The following RBFOX1 variants were observed in gnomAD, a reference collection of about 807,000 sequenced individuals.
RBFOX1 encodes the protein RNA binding fox-1 homolog 1.
Under a neutral mutation model 57.7 loss-of-function variants are expected in RBFOX1, and 8 were observed. The ratio of observed to expected loss-of-function variants is 0.14; its 90% CI spans 0.08 to 0.25. The LOEUF (loss-of-function observed/expected upper bound fraction) is 0.25, where lower values mean the gene tolerates loss of function less well. RBFOX1 is among the 10% of genes least tolerant of loss of function. The pLI is 1.00. For synonymous variants in RBFOX1, 326 were observed against 222.4 expected (o/e 1.47, Z -4.15); for missense variants, 611 against 548.5 (o/e 1.11, Z -1.14).
At chr16:5,288,638 T>TG (rs1159068644) in intron 1 of RBFOX1, among the ~76,000 whole-genome samples, 2 of 146,906 alleles carry the variant, frequency 1.4e-5, no homozygotes. Context: ...TTTTCTTTTT[T>TG]TTTTTAACTA....
At chr16:7,131,908 C>G (rs1316160344) in intron 4 of RBFOX1, among the ~76,000 whole-genome samples, 1 of 151,746 alleles carries the variant, frequency 6.6e-6, no homozygotes, top group African/African-American at 2.4e-5. Context: ...TTCCCAGTAT[C>G]TTAAAGAAGT....
At chr16:7,313,869 T>C (rs779949425) in intron 4 of RBFOX1, among the ~76,000 whole-genome samples, 4 of 152,130 alleles carry the variant, frequency 2.6e-5, no homozygotes, top group Non-Finnish European at 5.9e-5. Flanking sequence ...TCCTCCTCAC[T>C]GTGCCGGCCA....
intron 4 of RBFOX1, among the ~76,000 whole-genome samples, chr16:7,081,047 T>G (rs1478144055): frequency 6.6e-6 from 1 of 152,166 alleles, no homozygotes; most frequent in Non-Finnish European, 1.5e-5. Flanking sequence ...TTATTTTACT[T>G]TTTTTGAGGC....
At chr16:6,394,061 T>C (rs1259317949) in intron 2 of RBFOX1, among the ~76,000 whole-genome samples, 3 of 152,230 alleles carry the variant, frequency 2.0e-5, no homozygotes, top group Non-Finnish European at 4.4e-5. Context: ...CATAGCATCC[T>C]GCAATGCAGA....
At chr16:6,054,719 G>C (rs974587723) in intron 1 of RBFOX1, among the ~76,000 whole-genome samples, 2 of 152,176 alleles carry the variant, frequency 1.3e-5, no homozygotes, top group African/African-American at 4.8e-5. Flanking sequence ...GAAACTCACA[G>C]ATTTGCACAC....
chr16:6,235,927 G>A (rs549276054), intron 1 of RBFOX1, among the ~76,000 whole-genome samples: 19 of 152,100 alleles, frequency 1.2e-4, no homozygotes, highest in African/African-American at 4.6e-4. Flanking sequence ...CGGGTGATGG[G>A]TGCCCCAAAA....
chr16:7,046,603 C>CTTTT (rs59921108), intron 3 of RBFOX1, among the ~76,000 whole-genome samples: 2 of 84,978 alleles, frequency 2.4e-5, no homozygotes, highest in African/African-American at 4.6e-5. Flanking sequence ...TGTGTTTTAT[C>CTTTT]TTTTTTTTTT....
intron 2 of RBFOX1, among the ~76,000 whole-genome samples, chr16:6,578,564 A>G (rs202146448): frequency 1.9e-4 from 16 of 82,844 alleles, no homozygotes; most frequent in East Asian, 3.5e-4. Context: ...ATTGTGCCCA[A>G]TGGGGATGTC....
intron 1 of RBFOX1, among the ~76,000 whole-genome samples, chr16:6,235,466 A>T (rs1431684406): frequency 6.6e-6 from 1 of 152,112 alleles, no homozygotes; most frequent in Admixed American, 6.6e-5. Flanking sequence ...TGTCTATAGC[A>T]GCACAATTTG....
At chr16:5,966,024 C>A (rs2059836966) in intron 4 of RBFOX1, among the ~76,000 whole-genome samples, 1 of 152,210 alleles carries the variant, frequency 6.6e-6, no homozygotes, top group Non-Finnish European at 1.5e-5. Flanking sequence ...ATACTTCATG[C>A]AGCAGGTTTT....
chr16:6,175,146 G>C (rs2096994035), intron 1 of RBFOX1, among the ~76,000 whole-genome samples: 2 of 152,190 alleles, frequency 1.3e-5, no homozygotes, highest in African/African-American at 2.4e-5. Flanking sequence ...AAGGCTTACT[G>C]TGAGTCCGTG....
At chr16:6,892,441 G>C (rs918452704) in intron 3 of RBFOX1, among the ~76,000 whole-genome samples, 1 of 152,132 alleles carries the variant, frequency 6.6e-6, no homozygotes, top group African/African-American at 2.4e-5. Flanking sequence ...AGGCCGAAGT[G>C]GGTGGATCCC....
chr16:5,416,756 C>G (rs1282616401), intron 1 of RBFOX1, among the ~76,000 whole-genome samples: 1 of 151,914 alleles, frequency 6.6e-6, no homozygotes, highest in African/African-American at 2.4e-5. Context: ...GGAATCAACT[C>G]CCCTTGTCTC....
At chr16:6,758,246 A>C (rs2076101560) in intron 3 of RBFOX1, among the ~76,000 whole-genome samples, 1 of 152,080 alleles carries the variant, frequency 6.6e-6, no homozygotes, top group African/African-American at 2.4e-5. Context: ...TATCAGAATC[A>C]GTCCTCTGCT....
intron 3 of RBFOX1, among the ~76,000 whole-genome samples, chr16:6,670,869 G>A (rs979076535): frequency 1.3e-5 from 2 of 151,864 alleles, no homozygotes; most frequent in African/African-American, 2.4e-5. Context: ...GCATGGTGGC[G>A]GGAGCCTGTA....
chr16:6,797,254 C>T (rs1055760188), intron 3 of RBFOX1, among the ~76,000 whole-genome samples: 1 of 152,082 alleles, frequency 6.6e-6, no homozygotes. Flanking sequence ...TTGTTATTCC[C>T]CCATAACGCT....
chr16:7,516,852 T>G lies in RBFOX1; in HGVS notation c.28-1295T>G, dbSNP rs151303788. On this transcript the variant is annotated intron_variant, in intron 4 of 15. Transcript: ENST00000550418. The stretch of plus-strand genomic sequence containing the variant: ...GAACAAACTTTTTTTTTTTCCTCTC[T>G]TCTTTCTGTCATCATGTTTTTGCTG... Among the ~76,000 whole-genome samples, 980 of 152,276 alleles carry G rather than the reference T, an allele frequency of 6.4e-3. 10 individuals are homozygous for G. The highest frequency in any genetic ancestry group is 0.022 in the African/African-American group (923 of 41,554).
At chr16:5,445,113 G>C (rs11645954) in intron 1 of RBFOX1, among the ~76,000 whole-genome samples, 3,732 of 152,222 alleles carry the variant, frequency 0.025, 53 homozygotes, top group Middle Eastern at 0.044. Context: ...AATGTGGGAG[G>C]GGATCTGGAT....
chr16:6,671,327 A>G lies in RBFOX1; in HGVS notation c.-16+16677A>G, dbSNP rs147833395. Among the ~76,000 whole-genome samples the G allele has an allele frequency of 4.3e-4, 66 of 152,338 alleles. 1 individual carries two copies. Among genetic ancestry groups the G allele is most frequent in the Middle Eastern group, 3.4e-3 (1 of 294 alleles). On this transcript the variant is annotated intron_variant, in intron 3 of 15. Coordinates refer to ENST00000550418, the MANE Select transcript of RBFOX1 (RefSeq NM_018723.4). The stretch of plus-strand genomic sequence containing the variant: ...ATGAATACACTTGTGTCAGAGGTCC[A>G]TGGAATAGTAATTGATATAATGTTT...
Sources: gnomAD v4.1 joint callset for allele counts (sites outside exome capture counted in the v4.1 genomes callset) on GRCh38, gnomAD v4.1.1 for gene constraint, MANE v1.5 for transcripts, NCBI Gene and HGNC (gene_info 2026-07-23, HGNC 2026-07-21) for gene names.